The following SELENOF variants were observed in gnomAD, a reference collection of about 807,000 sequenced individuals.
The protein encoded by SELENOF is selenoprotein F, also known as 15 kDa selenoprotein.
A neutral mutation model predicts 20.5 loss-of-function variants in SELENOF; 16 were observed. The observed-to-expected ratio is 0.78, with a 90% CI of 0.53 to 1.19. SELENOF has a LOEUF of 1.19. SELENOF is among the 50% of genes most tolerant of loss of function. The pLI, the probability that SELENOF is intolerant of heterozygous loss-of-function variation, is 0.00. For missense variants in SELENOF, 215 were observed against 194.2 expected (o/e 1.11, Z -0.64); for synonymous variants, 78 against 74.5 (o/e 1.05, Z -0.24).
chr1:86,890,656 CT>C (rs559873950), intron 2 of SELENOF, among the ~76,000 whole-genome samples: 1,726 of 140,550 alleles, frequency 0.012, 11 homozygotes, highest in Non-Finnish European at 0.017. Flanking sequence ...TCACACCCAG[CT>C]TTTTTTTTTT....
Position 86,899,464 on chromosome 1 carries a change from G to A in SELENOF, c.252+3817C>T, listed in dbSNP as rs576877621. Among the ~76,000 whole-genome samples, 325 of 130,006 alleles carry A rather than the reference G, an allele frequency of 2.5e-3. 5 individuals are homozygous for A. The highest frequency in any genetic ancestry group is 0.014 in the Admixed American group (203 of 14,150). 85.3% of individuals were successfully genotyped at this position (130,006 alleles called of 152,430 possible). A position where few individuals can be genotyped will look rare whatever the true frequency, so the allele number is the denominator to read the frequency against. On this transcript the variant is annotated intron_variant, in intron 2 of 4. Transcript: ENST00000331835. Reference sequence around the variant, plus strand: ...GACGGGGCGGCTGGCCGGGCAGAGGGGCTCCTCACTTCCCAGTAGGGGCGG... The same window carrying A: ...GACGGGGCGGCTGGCCGGGCAGAGGAGCTCCTCACTTCCCAGTAGGGGCGG...
upstream of SELENOF, chr1:86,914,155 G>A: frequency 6.4e-7 from 1 of 1,571,850 alleles, no homozygotes; most frequent in South Asian, 1.1e-5. Flanking sequence ...CTAAGCTAGG[G>A]GCGTCCACTC....
At chr1:86,890,599 C>G (rs1328994942) in intron 2 of SELENOF, among the ~76,000 whole-genome samples, 1 of 152,028 alleles carries the variant, frequency 6.6e-6, no homozygotes, top group Non-Finnish European at 1.5e-5. Context: ...GAGTGATCCT[C>G]CGGTAGCCTC....
intron 2 of SELENOF, among the ~76,000 whole-genome samples, chr1:86,896,086 G>C (rs1659515066): frequency 1.3e-5 from 2 of 152,046 alleles, no homozygotes; most frequent in Non-Finnish European, 2.9e-5. Flanking sequence ...AAACTAGCCG[G>C]GTGTGTTGGC....
intron 1 of SELENOF, 80 bp from the exon 2 acceptor site, chr1:86,903,528 C>A: frequency 1.0e-6 from 1 of 965,406 alleles, no homozygotes; most frequent in South Asian, 2.2e-5. Flanking sequence ...ACGGGGTTGT[C>A]AAAAACTAAC....
At chr1:86,891,494 T>C (rs964565953) in intron 2 of SELENOF, among the ~76,000 whole-genome samples, 1 of 152,234 alleles carries the variant, frequency 6.6e-6, no homozygotes, top group Non-Finnish European at 1.5e-5. Flanking sequence ...GTAAGGCAGT[T>C]TGAATTACTT....
chr1:86,870,214 A>G (rs1487820320), intron 3 of SELENOF, among the ~76,000 whole-genome samples: 1 of 152,230 alleles, frequency 6.6e-6, no homozygotes, highest in Non-Finnish European at 1.5e-5. Context: ...TTAGATAGCA[A>G]TAGCACTATA....
chr1:86,867,110 A>G (rs1658620420), intron 4 of SELENOF, among the ~76,000 whole-genome samples: 2 of 152,248 alleles, frequency 1.3e-5, no homozygotes, highest in African/African-American at 4.8e-5. Flanking sequence ...TTCAGTAATA[A>G]GAAGCCAATC....
chr1:86,909,033 G>A (rs1434235563), intron 1 of SELENOF, among the ~76,000 whole-genome samples: 1 of 152,144 alleles, frequency 6.6e-6, no homozygotes, highest in Non-Finnish European at 1.5e-5. Context: ...AAACTCAGAG[G>A]TATCAATTAA....
intron 4 of SELENOF, among the ~76,000 whole-genome samples, chr1:86,865,492 TA>T (rs1470292848): frequency 6.6e-6 from 1 of 152,156 alleles, no homozygotes; most frequent in African/African-American, 2.4e-5. Context: ...AACAATGTTC[TA>T]AAGAAGATAA....
chr1:86,897,283 G>A (rs756087646), intron 2 of SELENOF, among the ~76,000 whole-genome samples: 1 of 152,174 alleles, frequency 6.6e-6, no homozygotes, highest in Non-Finnish European at 1.5e-5. Flanking sequence ...GTGAAACTCC[G>A]TCTTGGTGCA....
chr1:86,903,149 A>C, intron 2 of SELENOF, 132 bp downstream of exon 2: 1 of 733,484 alleles, frequency 1.4e-6, no homozygotes, highest in Non-Finnish European at 2.2e-6. Flanking sequence ...GCCAGACAAG[A>C]AATCAGTTGA....
chr1:86,867,361 C>T (rs962319019), intron 4 of SELENOF, among the ~76,000 whole-genome samples: 4 of 152,016 alleles, frequency 2.6e-5, no homozygotes, highest in African/African-American at 7.2e-5. Flanking sequence ...GGCATGGTGG[C>T]GTGCTCCTGT....
intron 3 of SELENOF, among the ~76,000 whole-genome samples, chr1:86,880,281 A>C (rs1465651602): frequency 6.6e-6 from 1 of 151,846 alleles, no homozygotes; most frequent in African/African-American, 2.4e-5. Flanking sequence ...GATTATAGGC[A>C]CCCGCCACCG....
At chr1:86,902,321 T>G (rs967253587) in intron 2 of SELENOF, among the ~76,000 whole-genome samples, 36 of 152,282 alleles carry the variant, frequency 2.4e-4, no homozygotes, top group East Asian at 1.9e-4. Flanking sequence ...AATTTCAGGT[T>G]CAGATACAGA....
Position 86,873,038 on chromosome 1 carries a change from C to T in SELENOF, c.317-4936G>A, listed in dbSNP as rs558597600. Among the ~76,000 whole-genome samples the T allele has an allele frequency of 3.5e-5, 5 of 143,290 alleles. No individual in the cohort carries two copies. The South Asian group carries it at 1.1e-3, about 32-fold the overall frequency. The allele number at this position is 143,290 out of a possible 152,430, so 94.0% of individuals were successfully genotyped here. ...CTCCAGCCTGGGCGACAGTGTGACT[C>T]CGTCTAAAATAAATAAATAAATAAA... On this transcript the variant is annotated intron_variant, in intron 3 of 4. Coordinates refer to ENST00000331835, the MANE Select transcript of SELENOF (RefSeq NM_004261.5).
chr1:86,867,499 A>G (rs890949833), intron 4 of SELENOF, among the ~76,000 whole-genome samples: 6 of 151,166 alleles, frequency 4.0e-5, no homozygotes, highest in Non-Finnish European at 5.9e-5. Flanking sequence ...CTCAACAACA[A>G]CAACAACAAC....
At chr1:86,869,696 C>T (rs115924474) in intron 3 of SELENOF, among the ~76,000 whole-genome samples, 3,332 of 151,802 alleles carry the variant, frequency 0.022, 42 homozygotes, top group South Asian at 0.054. Flanking sequence ...TGTAATACAT[C>T]TTTCTTTCTT....
intron 2 of SELENOF, among the ~76,000 whole-genome samples, chr1:86,900,623 A>AG (rs892385951): frequency 2.0e-5 from 3 of 150,092 alleles, no homozygotes; most frequent in Admixed American, 6.6e-5. Context: ...GACCGTGGGG[A>AG]GGGGGAGAGG....
Sources: allele counts gnomAD v4.1 joint callset (sites outside exome capture counted in the v4.1 genomes callset), GRCh38; gene constraint gnomAD v4.1.1; transcripts MANE v1.5; gene names NCBI Gene and HGNC (gene_info 2026-07-23, HGNC 2026-07-21).